Variants in LDLRAP1 observed in about 807,000 individuals in gnomAD.
LDLRAP1 encodes low density lipoprotein receptor adaptor protein 1.
Under a neutral mutation model 37.8 loss-of-function variants are expected in LDLRAP1, and 30 were observed. The observed-to-expected ratio is 0.79, with a 90% CI of 0.59 to 1.08. The LOEUF (loss-of-function observed/expected upper bound fraction) is 1.08, where lower values mean the gene tolerates loss of function less well. Among genes scored for constraint, LDLRAP1 ranks in the 50% least tolerant of loss-of-function variants. The pLI, the probability that LDLRAP1 is intolerant of heterozygous loss-of-function variation, is 0.00. For synonymous variants in LDLRAP1, 156 were observed against 169.8 expected (o/e 0.92, Z 0.63); for missense variants, 375 against 401.6 (o/e 0.93, Z 0.57).
At chr1:25,576,887 C>G in the LDLRAP1 span, among the ~76,000 whole-genome samples, 23 of 152,362 alleles carry the variant, frequency 1.5e-4, no homozygotes, top group South Asian at 4.6e-3. Flanking sequence ...GTGGTGCCAT[C>G]AGGCAGAGGC....
At position 25,553,978 on chromosome 1, in the gene LDLRAP1, A is replaced by G. The variant is rs2044139976; in HGVS notation, c.145A>G (p.Ser49Gly). 9.9e-6 allele frequency: 16 copies of G among 1,613,968 alleles called. No individual in the cohort carries two copies. Among genetic ancestry groups the G allele is most frequent in the African/African-American group, 1.3e-5 (1 of 74,918 alleles). The part of the protein sequence containing the change: ...RETLLEGMLF[S>G]LKYLGMTLVE... Reference sequence around the variant, plus strand: ...GACGCTGCTGGAGGGGATGCTGTTCAGCCTCAAGTACCTGGGCATGACGCT... The same window carrying G: ...GACGCTGCTGGAGGGGATGCTGTTCGGCCTCAAGTACCTGGGCATGACGCT... Residue 49 changes from serine to glycine, a missense_variant, in exon 2 of 9, where the codon AGC (serine) becomes GGC (glycine). Coordinates refer to ENST00000374338, the MANE Select transcript of LDLRAP1 (RefSeq NM_015627.3).
chr1:25,559,553 TCTC>T (rs2044293477), intron 4 of LDLRAP1, among the ~76,000 whole-genome samples: 1 of 152,230 alleles, frequency 6.6e-6, no homozygotes. Context: ...AGTGTATTCT[TCTC>T]AGGTTGGGTT....
rs1338780258 is a variant in LDLRAP1 at position 25,559,291 on chromosome 1, C to T, written c.459+2024C>T. ...GCTGGCCCTGGGTGGGAGGGGCCTT[C>T]GACGGTGCAGAGGCTTCCTCTGGGA... is the stretch of plus-strand genomic sequence containing the variant. On this transcript the variant is annotated intron_variant, in intron 4 of 8. Transcript: ENST00000374338. Among the ~76,000 whole-genome samples, 3 of 152,210 alleles carry T rather than the reference C, an allele frequency of 2.0e-5. No individual in the cohort carries two copies. The East Asian group carries it at 5.8e-4, about 29-fold the overall frequency.
downstream of LDLRAP1, among the ~76,000 whole-genome samples, chr1:25,570,807 C>T (rs1454752956): frequency 2.6e-5 from 4 of 151,938 alleles, no homozygotes; most frequent in South Asian, 2.1e-4. Context: ...TGCAGTGAGC[C>T]GAGATCGGGC....
At chr1:25,579,365 G>C in the LDLRAP1 span, among the ~76,000 whole-genome samples, 1 of 152,216 alleles carries the variant, frequency 6.6e-6, no homozygotes, top group Non-Finnish European at 1.5e-5. Context: ...GGGCTGCAGG[G>C]CAAGAAGAGA....
chr1:25,562,622 C>T (rs762586321), intron 4 of LDLRAP1, 22 bp from the exon 5 acceptor site: 1 of 1,609,982 alleles, frequency 6.2e-7, no homozygotes, highest in Non-Finnish European at 8.5e-7. Flanking sequence ...CACCCCTCCC[C>T]ATCCCCACTT....
the LDLRAP1 span, among the ~76,000 whole-genome samples, chr1:25,577,071 C>T: frequency 1.3e-5 from 2 of 152,222 alleles, no homozygotes; most frequent in Non-Finnish European, 2.9e-5. Flanking sequence ...CTTAGTCACC[C>T]CAGGCAGCAG....
At chr1:25,558,897 TAGG>T (rs1488594257) in intron 4 of LDLRAP1, among the ~76,000 whole-genome samples, 1 of 152,172 alleles carries the variant, frequency 6.6e-6, no homozygotes, top group Non-Finnish European at 1.5e-5. Context: ...AGAGGCACTG[TAGG>T]AGGAGACAGT....
At position 25,554,085 on chromosome 1, in the gene LDLRAP1, G is replaced by A. The variant is rs2044144240; in HGVS notation, c.231+21G>A. The A allele has an allele frequency of 3.1e-6, 5 of 1,612,858 alleles. No individual in the cohort carries two copies. Among genetic ancestry groups the A allele is most frequent in the Admixed American group, 1.7e-5 (1 of 60,012 alleles). On this transcript the variant is annotated intron_variant, in intron 2 of 8. Coordinates refer to ENST00000374338, the MANE Select transcript of LDLRAP1 (RefSeq NM_015627.3). This position sits in a 1 kb window ranked among gnomAD's most constrained non-coding sequence, Gnocchi z 5.4. ...CTACAGTGAGCACCCCAGTCAGGAA[G>A]GGTGGGGGAACCAGGGACCAAGGAC...
In LDLRAP1 at chr1:25,544,211, T is replaced by C. The variant is rs2043875672; in HGVS notation, c.88+425T>C. Among the ~76,000 whole-genome samples the C allele has an allele frequency of 2.0e-5, 3 of 151,930 alleles. No individual in the cohort carries two copies. Among genetic ancestry groups the C allele is most frequent in the Non-Finnish European group, 4.4e-5 (3 of 67,922 alleles). ...GGAAGACGCCCCCGTCCCGCACCCC[T>C]GCGCCCCAGCCAGCAGCTGCGGCGG... On this transcript the variant is annotated intron_variant, in intron 1 of 8. Coordinates refer to ENST00000374338, the MANE Select transcript of LDLRAP1 (RefSeq NM_015627.3). This position sits in a 1 kb window ranked among gnomAD's most constrained non-coding sequence, Gnocchi z 4.8.
chr1:25,562,496 A>G (rs553998191), intron 4 of LDLRAP1, 148 bp from the exon 5 acceptor site: 2 of 699,106 alleles, frequency 2.9e-6, no homozygotes, highest in East Asian at 5.4e-5. Flanking sequence ...TGCTCTGCCC[A>G]GCAGGCATTC....
In LDLRAP1 at chr1:25,554,190, C is replaced by G; in HGVS notation, c.231+126C>G. 1.6e-6 allele frequency: 2 copies of G among 1,214,468 alleles called. No individual in the cohort carries two copies. The highest frequency in any genetic ancestry group is 2.3e-6 in the Non-Finnish European group (2 of 857,916). 75.2% of individuals were successfully genotyped at this position (1,214,468 alleles called of 1,614,324 possible). A position where few individuals can be genotyped will look rare whatever the true frequency, so the allele number is the denominator to read the frequency against. ...TGAGCCTGGCCCTGCCCTTCATTCTCCTTCCATCCAGCTTTTGGGCCTTGG... is the reference window on the plus strand; with the variant it reads ...TGAGCCTGGCCCTGCCCTTCATTCTGCTTCCATCCAGCTTTTGGGCCTTGG... On this transcript the variant is annotated intron_variant, in intron 2 of 8. Transcript: ENST00000374338. This position sits in a 1 kb window ranked among gnomAD's most constrained non-coding sequence, Gnocchi z 5.4.
chr1:25,587,157 T>C, the LDLRAP1 span, among the ~76,000 whole-genome samples: 1 of 152,216 alleles, frequency 6.6e-6, no homozygotes, highest in African/African-American at 2.4e-5. Flanking sequence ...TTATTTTATT[T>C]TATTTTATTT....
downstream of LDLRAP1, among the ~76,000 whole-genome samples, chr1:25,572,005 C>T (rs1187210786): frequency 6.6e-6 from 1 of 152,192 alleles, no homozygotes; most frequent in Non-Finnish European, 1.5e-5. Context: ...TTGCAGTAGG[C>T]CAGCGGGACA....
chr1:25,589,122 G>A, the LDLRAP1 span, among the ~76,000 whole-genome samples: 1 of 152,056 alleles, frequency 6.6e-6, no homozygotes, highest in African/African-American at 2.4e-5. Context: ...TGACCAACAT[G>A]ACAAAACCCC....
intron 1 of LDLRAP1, among the ~76,000 whole-genome samples, chr1:25,548,190 A>G (rs1019969256): frequency 6.6e-5 from 10 of 152,220 alleles, no homozygotes; most frequent in African/African-American, 2.4e-4. Flanking sequence ...GAGAATGGTC[A>G]TGGACACGTT....
At chr1:25,563,387 C>T (rs79412110) in intron 6 of LDLRAP1, among the ~76,000 whole-genome samples, 3,131 of 152,250 alleles carry the variant, frequency 0.021, 91 homozygotes, top group African/African-American at 0.069. Context: ...TATAAATATG[C>T]GTCTATCTTT....
downstream of LDLRAP1, among the ~76,000 whole-genome samples, chr1:25,571,328 G>A (rs903348042): frequency 7.9e-5 from 12 of 152,182 alleles, no homozygotes; most frequent in Non-Finnish European, 1.6e-4. Context: ...CTCCACAGGG[G>A]TATGTCTCAT....
At chr1:25,565,286 T>A in intron 8 of LDLRAP1, 79 bp downstream of exon 8, 2 of 1,511,530 alleles carry the variant, frequency 1.3e-6, no homozygotes, top group Non-Finnish European at 1.8e-6. Context: ...TGGGGACCTT[T>A]CCCCTGATTA....
Sources: allele counts gnomAD v4.1 joint callset (sites outside exome capture counted in the v4.1 genomes callset), GRCh38; gene constraint gnomAD v4.1.1; non-coding constraint Gnocchi (gnomAD v3.1); transcripts MANE v1.5; gene names NCBI Gene and HGNC (gene_info 2026-07-23, HGNC 2026-07-21).